PAM: variants seen among roughly 807,000 people sequenced by gnomAD.
The protein encoded by PAM is peptidyl-glycine alpha-amidating monooxygenase.
In PAM, 72 loss-of-function variants were observed where a neutral mutation model predicts 122.1. The observed-to-expected ratio is 0.59, with a 90% CI of 0.49 to 0.72. The LOEUF is 0.72. Ranked by LOEUF, PAM falls within the 30% of genes least tolerant of loss-of-function variation. PAM has a pLI of 0.00. For synonymous variants in PAM, 389 were observed against 404.4 expected (o/e 0.96, Z 0.46); for missense variants, 1,106 against 1,183.7 (o/e 0.93, Z 0.96).
At chr5:102,882,538 A>G (rs1371541453) in intron 3 of PAM, among the ~76,000 whole-genome samples, 1 of 151,760 alleles carries the variant, frequency 6.6e-6, no homozygotes, top group Non-Finnish European at 1.5e-5. Context: ...AGAATTGTCT[A>G]TTCATGTCCT....
intron 1 of PAM, among the ~76,000 whole-genome samples, chr5:102,765,075 A>G (rs1753483509): frequency 6.6e-6 from 1 of 151,978 alleles, no homozygotes; most frequent in Non-Finnish European, 1.5e-5. Flanking sequence ...GATTTATTCC[A>G]GCTTACCTGG....
At chr5:102,840,093 G>A (rs1272532398) in intron 1 of PAM, among the ~76,000 whole-genome samples, 1 of 151,998 alleles carries the variant, frequency 6.6e-6, no homozygotes, top group African/African-American at 2.4e-5. Flanking sequence ...ATATGCTTAT[G>A]TATTACATGT....
chr5:102,901,218 A>T (rs990857255), intron 3 of PAM, 138 bp from the exon 4 acceptor site: 25 of 571,652 alleles, frequency 4.4e-5, no homozygotes, highest in African/African-American at 9.4e-5. Context: ...CTTTCCATTA[A>T]CCTGCCACTC....
In PAM at chr5:103,007,553, A is replaced by C; in HGVS notation, c.2111A>C (p.Glu704Ala). The change falls in exon 20 of 26, where the codon GAA becomes GCA. Residue 704 changes from glutamate (E) to alanine (A), a missense_variant. Glu to Ala is a moderately radical substitution (Grantham distance 107). Around this residue, in one of 3 missense-constraint regions of PAM, gnomAD observed 333 missense variants for 335.6 expected, o/e 0.99. Transcript: ENST00000438793. ...LLGQLCVADRENGRIQCFKTD... is the reference protein window; with the variant it reads ...LLGQLCVADRANGRIQCFKTD... ...GGCCAATTATGTGTGGCAGACCGGG[A>C]AAATGGTCGGATCCAGTGTTTTAAA... 2.5e-6 allele frequency: 4 copies of C among 1,613,814 alleles called. No individual in the cohort carries two copies. Among genetic ancestry groups the C allele is most frequent in the Non-Finnish European group, 3.4e-6 (4 of 1,179,756 alleles).
chr5:102,763,735 G>A (rs1753074394), intron 1 of PAM, among the ~76,000 whole-genome samples: 1 of 152,218 alleles, frequency 6.6e-6, no homozygotes, highest in African/African-American at 2.4e-5. Context: ...ATGAAATCAA[G>A]TAACTGAGGA....
intron 1 of PAM, among the ~76,000 whole-genome samples, chr5:102,791,841 A>C (rs1048537303): frequency 6.6e-6 from 1 of 152,138 alleles, no homozygotes; most frequent in Non-Finnish European, 1.5e-5. Context: ...GCCTGTTTCT[A>C]GGGTTTTATC....
chr5:102,782,892 T>TC (rs1292284632), intron 1 of PAM, among the ~76,000 whole-genome samples: 3 of 152,026 alleles, frequency 2.0e-5, no homozygotes, highest in Non-Finnish European at 4.4e-5. Flanking sequence ...TCTATTATAC[T>TC]CCCCATATTT....
At chr5:102,810,283 G>C (rs186879139) in intron 1 of PAM, among the ~76,000 whole-genome samples, 4 of 152,298 alleles carry the variant, frequency 2.6e-5, no homozygotes, top group Admixed American at 6.5e-5. Flanking sequence ...ACTATAAAGA[G>C]TGTACTATAA....
At chr5:102,791,338 A>G (rs777681566) in intron 1 of PAM, among the ~76,000 whole-genome samples, 1 of 152,080 alleles carries the variant, frequency 6.6e-6, no homozygotes, top group Non-Finnish European at 1.5e-5. Flanking sequence ...TTTCTGTGGC[A>G]GTCTGTATGA....
At chr5:102,887,263 T>A (rs1245477662) in intron 3 of PAM, among the ~76,000 whole-genome samples, 1 of 151,934 alleles carries the variant, frequency 6.6e-6, no homozygotes, top group East Asian at 1.9e-4. Flanking sequence ...TTCAGGAGAA[T>A]GCGTTGTTCG....
At chr5:102,938,070 C>G (rs1753861286) in intron 7 of PAM, among the ~76,000 whole-genome samples, 1 of 152,144 alleles carries the variant, frequency 6.6e-6, no homozygotes, top group Non-Finnish European at 1.5e-5. Flanking sequence ...CTCTAACCTT[C>G]ATTATACACA....
At chr5:102,901,482 T>G in intron 4 of PAM, 69 bp downstream of exon 4, 1 of 866,130 alleles carries the variant, frequency 1.2e-6, no homozygotes, top group African/African-American at 1.6e-5. Flanking sequence ...AGTGAAAGGT[T>G]CTCTTTGAGG....
At chr5:102,980,799 C>A (rs560458406) in intron 15 of PAM, among the ~76,000 whole-genome samples, 1 of 152,078 alleles carries the variant, frequency 6.6e-6, no homozygotes, top group Non-Finnish European at 1.5e-5. Flanking sequence ...AGACTCAGAT[C>A]CTGAAAGTTT....
At chr5:102,920,600 T>G (rs1747086938) in intron 5 of PAM, among the ~76,000 whole-genome samples, 1 of 152,140 alleles carries the variant, frequency 6.6e-6, no homozygotes, top group Non-Finnish European at 1.5e-5. Flanking sequence ...GAACAGGTAA[T>G]AGTATTTGAA....
intron 15 of PAM, among the ~76,000 whole-genome samples, chr5:102,977,209 C>G (rs1767965749): frequency 6.6e-6 from 1 of 152,172 alleles, no homozygotes; most frequent in East Asian, 1.9e-4. Flanking sequence ...TTTCAAAAAC[C>G]ATACTATTTT....
chr5:102,770,403 G>A (rs892302805), intron 1 of PAM, among the ~76,000 whole-genome samples: 3 of 152,014 alleles, frequency 2.0e-5, no homozygotes, highest in Non-Finnish European at 4.4e-5. Context: ...CCAGTACTGC[G>A]TTGAATAACA....
intron 1 of PAM, among the ~76,000 whole-genome samples, chr5:102,761,666 A>G (rs1398590670): frequency 1.3e-5 from 2 of 152,240 alleles, no homozygotes; most frequent in South Asian, 2.1e-4. Flanking sequence ...ACTTATATAA[A>G]GATTAATTCA....
chr5:102,870,290 T>G (rs2150995641), intron 3 of PAM, among the ~76,000 whole-genome samples: 2 of 152,308 alleles, frequency 1.3e-5, no homozygotes, highest in African/African-American at 4.8e-5. Context: ...ATACATCTTA[T>G]GTGTATCCTT....
At chr5:102,806,144 G>A (rs1300466738) in intron 1 of PAM, among the ~76,000 whole-genome samples, 1 of 152,108 alleles carries the variant, frequency 6.6e-6, no homozygotes, top group Non-Finnish European at 1.5e-5. Flanking sequence ...CTCCCTTTTT[G>A]TGTGTGTATT....
Sources: gnomAD v4.1 joint callset for allele counts (sites outside exome capture counted in the v4.1 genomes callset) on GRCh38, gnomAD v4.1.1 for gene constraint, gnomAD v4.1.1 regional missense constraint, MANE v1.5 for transcripts, NCBI Gene and HGNC (gene_info 2026-07-23, HGNC 2026-07-21) for gene names.